The following GRM3 variants were observed in gnomAD, a reference collection of about 807,000 sequenced individuals.
GRM3 encodes the protein glutamate metabotropic receptor 3, also known as metabotropic glutamate receptor 3.
In GRM3, 26 loss-of-function variants were observed where a neutral mutation model predicts 70.5. The ratio of observed to expected loss-of-function variants is 0.37; its 90% CI spans 0.27 to 0.51. GRM3 has a LOEUF of 0.51. Ranked by LOEUF, GRM3 falls within the 20% of genes least tolerant of loss-of-function variation. The pLI is 0.93. For synonymous variants in GRM3, 443 were observed against 434.9 expected, an observed-to-expected ratio of 1.02 and a Z score of -0.23; for missense variants, 859 against 1,123.8, an observed-to-expected ratio of 0.76 and a Z score of 3.37.
rs148687398 is a variant in GRM3 at position 86,776,290 on chromosome 7, G to A, written c.469-9971G>A. Among the ~76,000 whole-genome samples the A allele has an allele frequency of 3.9e-5, 6 of 152,242 alleles. No individual in the cohort carries two copies. The East Asian group carries it at 5.8e-4, about 15-fold the overall frequency. On this transcript the variant is annotated intron_variant, in intron 2 of 5. Transcript: ENST00000361669. ...GCTTAAGGAGTTAAAATAACTAGCC[G>A]AAGGTCACACAGCTAGTGAGAGGAG...
intron 1 of GRM3, among the ~76,000 whole-genome samples, chr7:86,675,983 C>T (rs902604105): frequency 2.6e-5 from 4 of 151,626 alleles, no homozygotes; most frequent in Admixed American, 2.0e-4. Context: ...GAAAGAAACC[C>T]AAGCAAGAAC....
intron 3 of GRM3, among the ~76,000 whole-genome samples, chr7:86,803,792 T>C (rs1797732740): frequency 6.6e-6 from 1 of 152,142 alleles, no homozygotes; most frequent in South Asian, 2.1e-4. Context: ...CCCTCATGTT[T>C]GATGGCCCAC....
intron 1 of GRM3, among the ~76,000 whole-genome samples, chr7:86,750,268 C>T (rs560330546): frequency 3.7e-4 from 57 of 152,164 alleles, no homozygotes; most frequent in African/African-American, 1.3e-3. Flanking sequence ...GCTACGCTAA[C>T]TAATTTACAC....
chr7:86,793,894 A>G (rs1797485501), intron 3 of GRM3, among the ~76,000 whole-genome samples: 1 of 152,096 alleles, frequency 6.6e-6, no homozygotes, highest in African/African-American at 2.4e-5. Context: ...GAGGCAGAAA[A>G]AAGTAATGAT....
At chr7:86,837,129 C>T (rs1333659760) in intron 3 of GRM3, among the ~76,000 whole-genome samples, 1 of 152,104 alleles carries the variant, frequency 6.6e-6, no homozygotes, top group Non-Finnish European at 1.5e-5. Context: ...ATAAATTGGG[C>T]ATATAATATT....
chr7:86,850,650 C>T lies in GRM3; in HGVS notation c.2566+106C>T, dbSNP rs576329479. 2.0e-5 allele frequency: 15 copies of T among 766,650 alleles called. No homozygotes were observed. The East Asian group carries it at 2.7e-4, about 14-fold the overall frequency. 47.5% of individuals were successfully genotyped at this position (766,650 alleles called of 1,614,324 possible). ...TCTGTCCCCATGAACAATCTCAATT[C>T]GATTTTACTAAGTATGGATTTAAAC... On this transcript the variant is annotated intron_variant, in intron 5 of 5. Coordinates refer to ENST00000361669, the MANE Select transcript of GRM3 (RefSeq NM_000840.3).
chr7:86,769,167 T>C (rs1796678662), intron 2 of GRM3, among the ~76,000 whole-genome samples: 1 of 152,074 alleles, frequency 6.6e-6, no homozygotes, highest in Admixed American at 6.6e-5. Flanking sequence ...ATACACCTGG[T>C]GTGTGGTAAC....
At chr7:86,861,386 C>A (rs745352976) in intron 5 of GRM3, among the ~76,000 whole-genome samples, 4 of 152,142 alleles carry the variant, frequency 2.6e-5, no homozygotes, top group Non-Finnish European at 4.4e-5. Context: ...AGTAAAACCC[C>A]TGCATATTTT....
At chr7:86,661,767 T>C (rs192264863) in intron 1 of GRM3, among the ~76,000 whole-genome samples, 5 of 151,894 alleles carry the variant, frequency 3.3e-5, no homozygotes, top group Non-Finnish European at 5.9e-5. Context: ...AATTGCAAGA[T>C]GTGTTTTTTA....
At chr7:86,782,790 T>C (rs912779211) in intron 2 of GRM3, among the ~76,000 whole-genome samples, 1 of 152,216 alleles carries the variant, frequency 6.6e-6, no homozygotes, top group Non-Finnish European at 1.5e-5. Context: ...CTATTCTGTA[T>C]TGTATGAATT....
chr7:86,853,392 G>A (rs1798791211), intron 5 of GRM3, among the ~76,000 whole-genome samples: 1 of 152,084 alleles, frequency 6.6e-6, no homozygotes, highest in Non-Finnish European at 1.5e-5. Context: ...TAGAATTGAA[G>A]CAATTATTTA....
chr7:86,765,592 T>C lies in GRM3; in HGVS notation c.447T>C (p.Ser149=). ...TCATTGCAGGGGTCATTGGTGGCTCTTATAGCAGTGTTTCCATACAGGTAA... is the reference window on the plus strand; with the variant it reads ...TCATTGCAGGGGTCATTGGTGGCTCCTATAGCAGTGTTTCCATACAGGTAA... ...PLLIAGVIGG[S]YSSVSIQVAN... is the part of the protein sequence containing the mutation. Residue 149 remains serine (S), a synonymous_variant, in exon 2 of 6, where the codon TCT becomes TCC. Transcript: ENST00000361669. The C allele has an allele frequency of 6.2e-7, 1 of 1,613,092 alleles. No individual in the cohort carries two copies. Among genetic ancestry groups the C allele is most frequent in the East Asian group, 2.2e-5 (1 of 44,830 alleles).
chr7:86,719,616 G>C (rs1252266110), intron 1 of GRM3, among the ~76,000 whole-genome samples: 1 of 152,034 alleles, frequency 6.6e-6, no homozygotes, highest in Non-Finnish European at 1.5e-5. Context: ...ATCAATTGTG[G>C]AAGGAAGGAA....
At chr7:86,823,615 G>C (rs1412555359) in intron 3 of GRM3, among the ~76,000 whole-genome samples, 1 of 121,542 alleles carries the variant, frequency 8.2e-6, no homozygotes, top group African/African-American at 3.2e-5. Context: ...TGGCGGGGGG[G>C]GATTAGTGCA....
At chr7:86,690,219 T>C (rs1218214839) in intron 1 of GRM3, among the ~76,000 whole-genome samples, 1 of 152,024 alleles carries the variant, frequency 6.6e-6, no homozygotes, top group Non-Finnish European at 1.5e-5. Flanking sequence ...GGAGGGAAAT[T>C]ACAGTTTCCA....
intron 1 of GRM3, among the ~76,000 whole-genome samples, chr7:86,755,531 A>G (rs1344323418): frequency 2.0e-5 from 3 of 152,150 alleles, no homozygotes; most frequent in Non-Finnish European, 2.9e-5. Flanking sequence ...AGCCAGAAAG[A>G]TGGAGAAATG....
chr7:86,651,305 A>C (rs560497656), intron 1 of GRM3, among the ~76,000 whole-genome samples: 1 of 152,360 alleles, frequency 6.6e-6, no homozygotes, highest in South Asian at 2.1e-4. Context: ...AAAGGAACAG[A>C]TATCACAGAT....
chr7:86,730,631 C>T (rs78754092), intron 1 of GRM3, among the ~76,000 whole-genome samples: 4 of 152,264 alleles, frequency 2.6e-5, no homozygotes, highest in Non-Finnish European at 5.9e-5. Context: ...AAAATAATTA[C>T]GTAACAATTA....
In GRM3 at chr7:86,785,685, A is replaced by ATTTTTTTTTTTT. The variant is rs749456155; in HGVS notation, c.469-554_469-543dup. On this transcript the variant is annotated intron_variant, in intron 2 of 5. Transcript: ENST00000361669. ...TTGGGTGGTGGACTAAATAGAATTG[A>ATTTTTTTTTTTT]TTTTTTTTTTTTTTTTTTTTTTTTT... Among the ~76,000 whole-genome samples, 16 of 65,234 alleles carry ATTTTTTTTTTTT rather than the reference A, an allele frequency of 2.5e-4. 4 individuals carry two copies. Among genetic ancestry groups the ATTTTTTTTTTTT allele is most frequent in the African/African-American group, 3.3e-4 (6 of 18,002 alleles). The allele number at this position is 65,234 out of a possible 152,430, so 42.8% of individuals were successfully genotyped here.
Sources: gnomAD v4.1 joint callset for allele counts (sites outside exome capture counted in the v4.1 genomes callset) on GRCh38, gnomAD v4.1.1 for gene constraint, MANE v1.5 for transcripts, NCBI Gene and HGNC (gene_info 2026-07-23, HGNC 2026-07-21) for gene names.